FOXP1: variants seen among roughly 807,000 people sequenced by gnomAD.
The protein encoded by FOXP1 is forkhead box P1.
In FOXP1, 15 loss-of-function variants were observed where a neutral mutation model predicts 98.2. That is an observed-to-expected ratio of 0.15 (90% CI 0.10 to 0.24). The LOEUF is 0.24. Ranked by LOEUF, FOXP1 falls within the 10% of genes least tolerant of loss-of-function variation. The probability of loss-of-function intolerance (pLI) is 1.00; values close to 1 mark genes in which losing one functional copy is unlikely to be tolerated. For missense variants in FOXP1, 633 were observed against 848.5 expected, an observed-to-expected ratio of 0.75 and a Z score of 3.15; for synonymous variants, 371 against 314.5, an observed-to-expected ratio of 1.18 and a Z score of -1.90.
At chr3:71,152,193 T>C (rs1213883820) in intron 6 of FOXP1, among the ~76,000 whole-genome samples, 2 of 152,014 alleles carry the variant, frequency 1.3e-5, no homozygotes, top group African/African-American at 4.8e-5. Context: ...GGGCCACACA[T>C]AGGAAACAGT....
At chr3:71,062,087 C>G (rs898907577) in intron 7 of FOXP1, among the ~76,000 whole-genome samples, 1 of 152,048 alleles carries the variant, frequency 6.6e-6, no homozygotes, top group Non-Finnish European at 1.5e-5. Flanking sequence ...GTCCTGACAA[C>G]GTGTAAATGC....
intron 17 of FOXP1, among the ~76,000 whole-genome samples, chr3:70,974,092 C>T (rs2036976233): frequency 6.6e-6 from 1 of 151,942 alleles, no homozygotes; most frequent in Non-Finnish European, 1.5e-5. Flanking sequence ...AGGATAAATT[C>T]CCAAAAAGTT....
intron 13 of FOXP1, among the ~76,000 whole-genome samples, chr3:70,997,066 T>A (rs1224107588): frequency 2.0e-5 from 3 of 152,224 alleles, no homozygotes; most frequent in African/African-American, 7.2e-5. Flanking sequence ...CCTGGACTGA[T>A]AAATGCTTTA....
intron 4 of FOXP1, among the ~76,000 whole-genome samples, chr3:71,308,336 G>A (rs1428421252): frequency 6.6e-6 from 1 of 152,136 alleles, no homozygotes; most frequent in Non-Finnish European, 1.5e-5. Context: ...ATGATGAAAC[G>A]CGAGAGCTAT....
rs576079591 is a variant in FOXP1 at position 71,133,284 on chromosome 3, T to G, written c.181-20647A>C. Among the ~76,000 whole-genome samples, 6 of 152,214 alleles carry G rather than the reference T, an allele frequency of 3.9e-5. No individual in the cohort carries two copies. In the East Asian group the frequency reaches 1.2e-3, roughly 29 times the overall value. On this transcript the variant is annotated intron_variant, in intron 6 of 20. Transcript: ENST00000649528. ...TTAGTATAATTAAATGACTGTTGGG[T>G]TTTTGTGATATAAACAACTTTTGAT...
At chr3:71,085,173 C>T (rs2054896648) in intron 7 of FOXP1, among the ~76,000 whole-genome samples, 1 of 152,104 alleles carries the variant, frequency 6.6e-6, no homozygotes, top group Non-Finnish European at 1.5e-5. Context: ...GACGAGGTCT[C>T]ACTCTGTCCC....
chr3:71,165,123 T>A (rs1041914921), intron 6 of FOXP1, among the ~76,000 whole-genome samples: 1 of 151,266 alleles, frequency 6.6e-6, no homozygotes, highest in Admixed American at 6.6e-5. Flanking sequence ...AACAAAAATA[T>A]CCAATAAAAC....
intron 6 of FOXP1, among the ~76,000 whole-genome samples, chr3:71,125,990 C>T (rs915516896): frequency 6.6e-6 from 1 of 152,096 alleles, no homozygotes; most frequent in Non-Finnish European, 1.5e-5. Context: ...CAAATTGATA[C>T]ATGTAAAGTG....
intron 5 of FOXP1, among the ~76,000 whole-genome samples, chr3:71,281,871 C>A (rs1307811546): frequency 6.6e-6 from 1 of 150,584 alleles, no homozygotes; most frequent in Non-Finnish European, 1.5e-5. Context: ...GAGGCCAAGG[C>A]ATGTCACTTG....
At chr3:71,020,426 A>G (rs1012878653) in intron 11 of FOXP1, among the ~76,000 whole-genome samples, 19 of 152,186 alleles carry the variant, frequency 1.2e-4, no homozygotes, top group Admixed American at 1.2e-3. Flanking sequence ...ACAATTTTAT[A>G]TAATGGTTAT....
rs1372229704 is a variant in FOXP1, at chr3:71,314,909, G to C, written c.-72-15029C>G. Among the ~76,000 whole-genome samples the C allele has an allele frequency of 3.9e-5, 6 of 152,042 alleles. No homozygotes were observed. In the East Asian group the frequency reaches 1.2e-3, roughly 29 times the overall value. On this transcript the variant is annotated intron_variant, in intron 4 of 20. Transcript: ENST00000649528. ...GTCTGTGCATATAGATTCTGTTACT[G>C]ATTTAGGATCTTAAACAGTTTGTTT...
At chr3:71,231,063 T>C (rs1465918220) in intron 5 of FOXP1, among the ~76,000 whole-genome samples, 1 of 152,216 alleles carries the variant, frequency 6.6e-6, no homozygotes, top group African/African-American at 2.4e-5. Context: ...GCAAATCTAC[T>C]TTTTTTGTTA....
intron 3 of FOXP1, among the ~76,000 whole-genome samples, chr3:71,428,839 G>C (rs1488988881): frequency 6.6e-6 from 1 of 152,198 alleles, no homozygotes; most frequent in Non-Finnish European, 1.5e-5. Context: ...ACTTCACCTT[G>C]GGCTGCAACT....
intron 2 of FOXP1, among the ~76,000 whole-genome samples, chr3:71,579,036 T>C (rs1032439768): frequency 6.6e-6 from 1 of 152,228 alleles, no homozygotes; most frequent in Non-Finnish European, 1.5e-5. Flanking sequence ...TTGAAACATG[T>C]TGTGCACCAT....
chr3:71,174,827 C>CACACACACACACACA (rs1553767955), intron 6 of FOXP1, among the ~76,000 whole-genome samples: 9 of 142,308 alleles, frequency 6.3e-5, no homozygotes, highest in Non-Finnish European at 8.9e-5. Context: ...CACACACACA[C>CACACACACACACACA]CCCAATATAC....
chr3:71,323,093 C>T (rs552601054), intron 4 of FOXP1, among the ~76,000 whole-genome samples: 68 of 152,084 alleles, frequency 4.5e-4, no homozygotes, highest in Middle Eastern at 3.4e-3. Flanking sequence ...GCCTCAGCCT[C>T]CTGAGTAGCT....
chr3:71,247,759 G>A (rs1403893300), intron 5 of FOXP1, among the ~76,000 whole-genome samples: 1 of 152,188 alleles, frequency 6.6e-6, no homozygotes, highest in Non-Finnish European at 1.5e-5. Flanking sequence ...GTTCACAGGA[G>A]GCTGATGCAT....
chr3:71,463,466 A>T (rs1045777895), intron 3 of FOXP1, among the ~76,000 whole-genome samples: 4 of 151,868 alleles, frequency 2.6e-5, no homozygotes, highest in East Asian at 3.9e-4. Context: ...AGGAAAATTC[A>T]GGGCCCTGCT....
At chr3:70,973,046 T>C (rs1443603377) in intron 17 of FOXP1, among the ~76,000 whole-genome samples, 1 of 152,050 alleles carries the variant, frequency 6.6e-6, no homozygotes, top group Non-Finnish European at 1.5e-5. Context: ...CTACCTCCCA[T>C]AAAAAGGGGG....
Sources: gnomAD v4.1 joint callset for allele counts (sites outside exome capture counted in the v4.1 genomes callset) on GRCh38, gnomAD v4.1.1 for gene constraint, MANE v1.5 for transcripts, NCBI Gene and HGNC (gene_info 2026-07-23, HGNC 2026-07-21) for gene names.